NBR1: variants seen among roughly 807,000 people sequenced by gnomAD.
NBR1 encodes NBR1 autophagy cargo receptor.
A neutral mutation model predicts 115.5 loss-of-function variants in NBR1; 59 were observed. The observed-to-expected ratio is 0.51, with a 90% CI of 0.41 to 0.63. NBR1 has a LOEUF of 0.63. Ranked by LOEUF, NBR1 falls within the 30% of genes least tolerant of loss-of-function variation. NBR1 has a pLI of 0.00. For missense variants in NBR1, 1,043 were observed against 1,150.5 expected (o/e 0.91, Z 1.35); for synonymous variants, 373 against 414.7 (o/e 0.90, Z 1.22).
rs1017480816 is a variant in NBR1, at chr17:43,191,448, G to T, written c.940G>T (p.Ala314Ser). ...GCGAGCTGAGAAGAAACAACGTAAA[G>T]CAGAGGTCAAGGAACTTAAAAAGCA... is the stretch of plus-strand genomic sequence containing the variant. Reference protein sequence around the residue: ...RLRAEKKQRKAEVKELKKQLK... With the variant: ...RLRAEKKQRKSEVKELKKQLK... The change falls in exon 10 of 21, where the codon GCA becomes TCA. Residue 314 changes from alanine to serine, a missense_variant. By Grantham distance (99) the Ala-to-Ser change is moderately conservative. Transcript: ENST00000590996. 6.2e-7 allele frequency: 1 copy of T among 1,613,336 alleles called. No individual in the cohort carries two copies.
At chr17:43,193,769 C>G (rs1363654736) in intron 12 of NBR1, 131 bp downstream of exon 12, 1 of 929,822 alleles carries the variant, frequency 1.1e-6, no homozygotes, top group Admixed American at 2.8e-5. Context: ...CTCCCCCCGC[C>G]CCAACACATC....
At chr17:43,185,432 G>A (rs1184360390) in intron 5 of NBR1, among the ~76,000 whole-genome samples, 1 of 152,186 alleles carries the variant, frequency 6.6e-6, no homozygotes, top group East Asian at 1.9e-4. Flanking sequence ...AGGTATGGTG[G>A]TGCGCACCTG....
rs1038591817 is a variant in NBR1 at position 43,210,519 on chromosome 17, T to G, written c.*445T>G. The stretch of plus-strand genomic sequence containing the variant: ...TCATAATTCTTATTCTCATAATTTC[T>G]GTAATCCACCTCAAGCTTCATAGTT... On this transcript the variant is annotated 3_prime_UTR_variant, in exon 21 of 21. Transcript: ENST00000590996. 2.5e-5 allele frequency: 10 copies of G among 398,076 alleles called. No individual in the cohort carries two copies. Among genetic ancestry groups the G allele is most frequent in the Admixed American group, 1.3e-4 (3 of 22,712 alleles). 24.7% of individuals were successfully genotyped at this position (398,076 alleles called of 1,614,324 possible).
chr17:43,206,545 C>T (rs1284015544), intron 20 of NBR1, among the ~76,000 whole-genome samples: 1 of 151,906 alleles, frequency 6.6e-6, no homozygotes, highest in East Asian at 1.9e-4. Context: ...GTCCTAGCTA[C>T]TCGGGAGTCT....
chr17:43,190,564 A>C, intron 8 of NBR1, 45 bp from the exon 9 acceptor site: 1 of 1,544,816 alleles, frequency 6.5e-7, no homozygotes. Flanking sequence ...TACCCCAGGT[A>C]CTTCCTATTC....
chr17:43,210,460 CATT>C lies in NBR1; in HGVS notation c.*388_*390del, dbSNP rs1412788642. On this transcript the variant is annotated 3_prime_UTR_variant, in exon 21 of 21. Transcript: ENST00000590996. ...CTGTTAATTTTCAGGTTTTGAAAGA[CATT>C]AACCTCGGAAGTTGTTTTTAAGAAT... 1.3e-5 allele frequency: 5 copies of C among 397,004 alleles called. No homozygotes were observed. Among genetic ancestry groups the C allele is most frequent in the Non-Finnish European group, 2.2e-5 (5 of 225,758 alleles). The allele number at this position is 397,004 out of a possible 1,614,324, so 24.6% of individuals were successfully genotyped here. A position where few individuals can be genotyped will look rare whatever the true frequency, so the allele number is the denominator to read the frequency against.
intron 16 of NBR1, among the ~76,000 whole-genome samples, chr17:43,197,837 A>G (rs1204846148): frequency 2.6e-5 from 4 of 152,316 alleles, no homozygotes; most frequent in African/African-American, 9.6e-5. Flanking sequence ...AAGTTTCTCA[A>G]GGTTAAATTC....
At chr17:43,203,924 A>G (rs1352195832) in intron 20 of NBR1, 138 bp downstream of exon 20, 3 of 466,572 alleles carry the variant, frequency 6.4e-6, no homozygotes, top group South Asian at 5.0e-5. Flanking sequence ...TTAACACACA[A>G]CACAACTCTG....
chr17:43,209,891 C>G lies in NBR1; in HGVS notation c.2728-10C>G. 1 of 1,428,024 alleles carries G rather than the reference C, an allele frequency of 7.0e-7. No homozygotes were observed. Among genetic ancestry groups the G allele is most frequent in the East Asian group, 2.7e-5 (1 of 36,772 alleles). The allele number at this position is 1,428,024 out of a possible 1,614,324, so 88.5% of individuals were successfully genotyped here. On this transcript the variant is annotated splice_polypyrimidine_tract_variant and intron_variant, in intron 20 of 20. Transcript: ENST00000590996. ...TTTTTTTTTTTTTTGCTTTGCTTGTCTCTACACAGCCAATAATTTCTGAAG... is the reference window on the plus strand; with the variant it reads ...TTTTTTTTTTTTTTGCTTTGCTTGTGTCTACACAGCCAATAATTTCTGAAG...
intron 20 of NBR1, 60 bp from the exon 21 acceptor site, chr17:43,209,837 AAAAT>A: frequency 1.4e-6 from 2 of 1,464,704 alleles, no homozygotes; most frequent in Non-Finnish European, 1.8e-6. Context: ...ACAAATGTAT[AAAAT>A]AAACATTTAA....
At chr17:43,197,578 G>A (rs1235720088) in intron 16 of NBR1, among the ~76,000 whole-genome samples, 1 of 151,844 alleles carries the variant, frequency 6.6e-6, no homozygotes, top group East Asian at 1.9e-4. Flanking sequence ...TATGCTACCT[G>A]ACTGTTCTAA....
intron 7 of NBR1, 136 bp downstream of exon 7, chr17:43,189,255 GA>G: frequency 1.4e-6 from 1 of 699,798 alleles, no homozygotes; most frequent in Non-Finnish European, 2.6e-6. Context: ...TCCAAACTTA[GA>G]ACAGTTCCAG....
At chr17:43,179,022 C>A (rs1392604969) in intron 3 of NBR1, among the ~76,000 whole-genome samples, 1 of 152,064 alleles carries the variant, frequency 6.6e-6, no homozygotes, top group Non-Finnish European at 1.5e-5. Context: ...GCCACAGTAC[C>A]ATGTATTGAG....
At chr17:43,188,156 C>T (rs2056863022) in intron 6 of NBR1, among the ~76,000 whole-genome samples, 2 of 152,272 alleles carry the variant, frequency 1.3e-5, no homozygotes, top group South Asian at 2.1e-4. Context: ...TCCCAAAGTG[C>T]TGGGATTACA....
chr17:43,208,036 A>C (rs2057349006), intron 20 of NBR1, among the ~76,000 whole-genome samples: 1 of 152,230 alleles, frequency 6.6e-6, no homozygotes, highest in African/African-American at 2.4e-5. Flanking sequence ...GGGAACTAGG[A>C]GGAAAATGAA....
In NBR1 at chr17:43,193,211, G is replaced by C. The variant is rs771103815; in HGVS notation, c.1191G>C (p.Arg397Ser). 1 of 1,613,826 alleles carries C rather than the reference G, an allele frequency of 6.2e-7. No individual in the cohort carries two copies. Among genetic ancestry groups the C allele is most frequent in the South Asian group, 1.1e-5 (1 of 91,082 alleles). ...GAACCAAGTTTATCAAACACTGGAG[G>C]ATGAAAAATACAGGAAATGTAAAGT... ...QPGTKFIKHW[R>S]MKNTGNVKWS... is the part of the protein sequence containing the mutation. The change falls in exon 11 of 21, where the codon AGG becomes AGC. Residue 397 changes from arginine (R) to serine (S), a missense_variant. By Grantham distance (110) the Arg-to-Ser change is moderately radical (BLOSUM62 -1). Coordinates refer to ENST00000590996, the MANE Select transcript of NBR1 (RefSeq NM_005899.5).
intron 3 of NBR1, among the ~76,000 whole-genome samples, chr17:43,178,873 C>G (rs181180760): frequency 8.9e-4 from 135 of 151,840 alleles, no homozygotes; most frequent in African/African-American, 3.0e-3. Flanking sequence ...AGGAATCCTC[C>G]CATCTCAGCC....
At chr17:43,207,358 T>C (rs1271171578) in intron 20 of NBR1, among the ~76,000 whole-genome samples, 1 of 152,076 alleles carries the variant, frequency 6.6e-6, no homozygotes, top group African/African-American at 2.4e-5. Flanking sequence ...TGCTTGCTTG[T>C]TTAGTTTTAG....
chr17:43,196,431 T>G, intron 14 of NBR1, 50 bp from the exon 15 acceptor site: 2 of 1,137,030 alleles, frequency 1.8e-6, no homozygotes, highest in Non-Finnish European at 2.5e-6. Context: ...TGACTGTTGA[T>G]GATATGATGC....
Sources: allele counts gnomAD v4.1 joint callset (sites outside exome capture counted in the v4.1 genomes callset), GRCh38; gene constraint gnomAD v4.1.1; transcripts MANE v1.5; gene names NCBI Gene and HGNC (gene_info 2026-07-23, HGNC 2026-07-21).